VPS13C: variants seen among roughly 807,000 people sequenced by gnomAD.
The protein encoded by VPS13C is vacuolar protein sorting 13 homolog C.
A neutral mutation model predicts 456.8 loss-of-function variants in VPS13C; 358 were observed. The ratio of observed to expected loss-of-function variants is 0.78; its 90% confidence interval spans 0.72 to 0.86. VPS13C has a LOEUF of 0.86. Among genes scored for constraint, VPS13C ranks in the 40% least tolerant of loss-of-function variants. The pLI is 0.00. For missense variants in VPS13C, 4,818 were observed against 4,385.4 expected (o/e 1.10, Z -2.79); for synonymous variants, 1,578 against 1,486.7 (o/e 1.06, Z -1.41).
intron 31 of VPS13C, among the ~76,000 whole-genome samples, chr15:61,964,276 C>G (rs2045311030): frequency 6.6e-6 from 1 of 152,004 alleles, no homozygotes; most frequent in Admixed American, 6.6e-5. Context: ...TGAGTTCTTC[C>G]TGATCCAAAA....
At chr15:61,882,952 T>C (rs1895982103) in intron 68 of VPS13C, among the ~76,000 whole-genome samples, 1 of 152,076 alleles carries the variant, frequency 6.6e-6, no homozygotes, top group Non-Finnish European at 1.5e-5. Flanking sequence ...TTTTCAAGTA[T>C]AGAAACTATA....
chr15:61,868,067 C>T (rs1336036192), intron 81 of VPS13C: 1 of 713,890 alleles, frequency 1.4e-6, no homozygotes, highest in Non-Finnish European at 2.4e-6. Context: ...ATTTTAAAGT[C>T]AAGGTAGAAA....
At chr15:62,023,597 T>G (rs2047536811) in intron 7 of VPS13C, 77 bp from the exon 8 acceptor site, 4 of 1,198,832 alleles carry the variant, frequency 3.3e-6, no homozygotes, top group Middle Eastern at 2.2e-4. Flanking sequence ...AAAGGATAGC[T>G]AAGGTACTAC....
In VPS13C at chr15:61,917,602, T is replaced by C; in HGVS notation, c.7794A>G (p.Leu2598=). 1 of 1,612,770 alleles carries C rather than the reference T, an allele frequency of 6.2e-7. No individual in the cohort carries two copies. The highest frequency in any genetic ancestry group is 8.5e-7 in the Non-Finnish European group (1 of 1,178,826). ...CQLFIQPAGI[L]EHQYKESTTY... is the part of the protein sequence containing the mutation. ...TGGTAGATTCTTTGTACTGATGCTC[T>C]AAGATTCCAGCTGGCTGGATAAACA... The change falls in exon 60 of 85, where the codon TTA becomes TTG. Residue 2598 remains leucine (L), a synonymous_variant. Transcript: ENST00000644861.
chr15:62,015,481 G>A (rs2047201536), intron 9 of VPS13C, among the ~76,000 whole-genome samples: 1 of 151,112 alleles, frequency 6.6e-6, no homozygotes, highest in African/African-American at 2.4e-5. Context: ...GGTTTTTATG[G>A]TTTATTGCGG....
Position 62,041,317 on chromosome 15 carries a change from T to C in VPS13C, c.187+7A>G. ...AGAATAATTCAAATGAAGACTAAAG[T>C]ACTTACCAATTTGGCCAGCCTTGAC... On this transcript the variant is annotated splice_region_variant and intron_variant, in intron 3 of 84. Coordinates refer to ENST00000644861, the MANE Select transcript of VPS13C (RefSeq NM_020821.3). 1 of 1,605,194 alleles carries C rather than the reference T, an allele frequency of 6.2e-7. No homozygotes were observed. The highest frequency in any genetic ancestry group is 8.5e-7 in the Non-Finnish European group (1 of 1,177,474).
At chr15:61,891,855 G>C (rs1264216020) in intron 66 of VPS13C, among the ~76,000 whole-genome samples, 1 of 152,154 alleles carries the variant, frequency 6.6e-6, no homozygotes, top group East Asian at 1.9e-4. Context: ...CTAGTGCCAA[G>C]ATTATCATCA....
intron 66 of VPS13C, among the ~76,000 whole-genome samples, chr15:61,897,461 GC>G (rs780900645): frequency 7.9e-4 from 120 of 152,312 alleles, no homozygotes; most frequent in Non-Finnish European, 2.2e-4. Flanking sequence ...GAATGCAGAA[GC>G]CTCAGGAGCC....
At position 61,984,891 on chromosome 15, in the gene VPS13C, G is replaced by C. The variant is rs1188929582; in HGVS notation, c.1687C>G (p.Gln563Glu). 6.2e-7 allele frequency: 1 copy of C among 1,613,298 alleles called. No individual in the cohort carries two copies. Among genetic ancestry groups the C allele is most frequent in the Admixed American group, 1.7e-5 (1 of 59,934 alleles). ...TGTGCTCCTGGTCGCTGAGATACTTGAGTGCCCAGGCCAATTATCTGAATT... is the reference window on the plus strand; with the variant it reads ...TGTGCTCCTGGTCGCTGAGATACTTCAGTGCCCAGGCCAATTATCTGAATT... ...LKIQIIGLGT[Q>E]VSQRPGAQAL... is the part of the protein sequence containing the mutation. The change falls in exon 19 of 85, where the codon CAA becomes GAA. Residue 563 changes from glutamine (Q) to glutamate (E), a missense_variant. By Grantham distance (29) the Gln-to-Glu change is conservative. Around this residue, in one of 3 missense-constraint regions of VPS13C, gnomAD observed 4,552 missense variants for 4,130.6 expected, o/e 1.10. Transcript: ENST00000644861.
chr15:61,981,571 G>A, intron 21 of VPS13C, 93 bp from the exon 22 acceptor site: 1 of 1,340,338 alleles, frequency 7.5e-7, no homozygotes, highest in Non-Finnish European at 9.8e-7. Context: ...TACTTGAAAA[G>A]TATTACAGGT....
At chr15:61,958,831 GAA>G (rs2045097690) in intron 36 of VPS13C, 115 bp from the exon 37 acceptor site, 1 of 522,216 alleles carries the variant, frequency 1.9e-6, no homozygotes, top group African/African-American at 2.0e-5. Flanking sequence ...TCCTAACACT[GAA>G]AAGTTACATA....
intron 9 of VPS13C, among the ~76,000 whole-genome samples, chr15:62,020,095 C>T (rs1028611274): frequency 3.2e-4 from 47 of 148,426 alleles, no homozygotes; most frequent in Non-Finnish European, 5.9e-4. Flanking sequence ...GATGAGTGTG[C>T]GCACACACAC....
chr15:61,927,740 C>A (rs1224146682), intron 51 of VPS13C, among the ~76,000 whole-genome samples: 1 of 152,152 alleles, frequency 6.6e-6, no homozygotes, highest in East Asian at 1.9e-4. Context: ...AAGACACATG[C>A]ACACGTATGT....
intron 81 of VPS13C, chr15:61,866,397 C>A (rs1213792600): frequency 3.1e-6 from 3 of 983,268 alleles, no homozygotes; most frequent in Non-Finnish European, 3.6e-6. Flanking sequence ...AAAGATATCA[C>A]AAGGAAAAAA....
chr15:62,026,467 A>G (rs1422723021), intron 6 of VPS13C, among the ~76,000 whole-genome samples: 3 of 152,118 alleles, frequency 2.0e-5, no homozygotes, highest in Non-Finnish European at 4.4e-5. Context: ...GTTGGCAAAT[A>G]CAAGTTTTCC....
At chr15:61,933,567 A>G (rs2044131039) in intron 49 of VPS13C, among the ~76,000 whole-genome samples, 1 of 152,112 alleles carries the variant, frequency 6.6e-6, no homozygotes, top group Non-Finnish European at 1.5e-5. Flanking sequence ...GAATATGGAT[A>G]TTAAAATATG....
chr15:61,938,641 T>G (rs969509715), intron 47 of VPS13C, among the ~76,000 whole-genome samples: 6 of 152,194 alleles, frequency 3.9e-5, no homozygotes, highest in Non-Finnish European at 2.9e-5. Flanking sequence ...CTTTTTTTTC[T>G]TGTTTCTTCT....
chr15:61,864,868 C>T (rs1360185570), intron 81 of VPS13C: 3 of 974,204 alleles, frequency 3.1e-6, no homozygotes, highest in Non-Finnish European at 2.4e-6. Context: ...ATGCATTTAT[C>T]TGCAGCTTGA....
intron 41 of VPS13C, among the ~76,000 whole-genome samples, chr15:61,949,946 G>C (rs1282656756): frequency 1.3e-5 from 2 of 152,166 alleles, no homozygotes; most frequent in East Asian, 1.9e-4. Flanking sequence ...GTCCAGTACA[G>C]GTAATGCTTG....
Sources: gnomAD v4.1 joint callset for allele counts (sites outside exome capture counted in the v4.1 genomes callset) on GRCh38, gnomAD v4.1.1 for gene constraint, gnomAD v4.1.1 regional missense constraint, MANE v1.5 for transcripts, NCBI Gene and HGNC (gene_info 2026-07-23, HGNC 2026-07-21) for gene names.